CSMD3: variants seen among roughly 807,000 people sequenced by gnomAD.
CSMD3 encodes CUB and Sushi multiple domains 3.
A neutral mutation model predicts 435.2 loss-of-function variants in CSMD3; 177 were observed. That is an observed-to-expected ratio of 0.41 (90% CI 0.36 to 0.46). CSMD3 has a LOEUF of 0.46. CSMD3 is among the 20% of genes least tolerant of loss of function. The probability of loss-of-function intolerance (pLI) is 0.34; values close to 1 mark genes in which losing one functional copy is unlikely to be tolerated. For missense variants in CSMD3, 4,265 were observed against 4,504.6 expected, an observed-to-expected ratio of 0.95 and a Z score of 1.52; for synonymous variants, 1,656 against 1,520.5, an observed-to-expected ratio of 1.09 and a Z score of -2.07.
intron 1 of CSMD3, among the ~76,000 whole-genome samples, chr8:113,417,543 G>A (rs2094587529): frequency 6.6e-6 from 1 of 151,932 alleles, no homozygotes; most frequent in Non-Finnish European, 1.5e-5. Flanking sequence ...ATGCCCCGAA[G>A]AAAACTGTGA....
At chr8:112,291,467 T>C (rs1819756330) in intron 56 of CSMD3, 43 bp downstream of exon 56, 3 of 1,293,438 alleles carry the variant, frequency 2.3e-6, no homozygotes, top group Non-Finnish European at 3.4e-6. Context: ...TCCTATGGTT[T>C]CCATGACATG....
chr8:112,370,816 T>G (rs1213044439), intron 38 of CSMD3, among the ~76,000 whole-genome samples: 3 of 152,166 alleles, frequency 2.0e-5, no homozygotes, highest in African/African-American at 7.2e-5. Flanking sequence ...CTTCACCTGA[T>G]AGAATGTAAA....
chr8:113,112,565 C>T (rs2090693764), intron 4 of CSMD3, among the ~76,000 whole-genome samples: 1 of 150,728 alleles, frequency 6.6e-6, no homozygotes, highest in Admixed American at 6.6e-5. Flanking sequence ...TGCAATTGTC[C>T]TGAGTTCCTA....
At chr8:112,851,648 C>T (rs1014787033) in intron 11 of CSMD3, among the ~76,000 whole-genome samples, 1 of 151,822 alleles carries the variant, frequency 6.6e-6, no homozygotes, top group Non-Finnish European at 1.5e-5. Context: ...CCTGTAATCC[C>T]AGCTACTCAG....
intron 13 of CSMD3, among the ~76,000 whole-genome samples, chr8:112,724,797 C>G (rs2076930581): frequency 6.6e-6 from 1 of 151,952 alleles, no homozygotes; most frequent in Non-Finnish European, 1.5e-5. Context: ...ATTAAGTGAT[C>G]AGACAGAAGA....
intron 41 of CSMD3, among the ~76,000 whole-genome samples, chr8:112,345,189 A>G (rs1825549598): frequency 1.3e-5 from 2 of 152,154 alleles, no homozygotes; most frequent in African/African-American, 4.8e-5. Context: ...AGGTTCCACA[A>G]AAAAATTTAA....
At chr8:113,125,741 T>G (rs1374292152) in intron 4 of CSMD3, among the ~76,000 whole-genome samples, 3 of 151,966 alleles carry the variant, frequency 2.0e-5, no homozygotes, top group Admixed American at 1.3e-4. Context: ...GATATTGGAT[T>G]TGGCAACTTG....
chr8:112,414,422 C>T (rs1403024620), intron 32 of CSMD3, among the ~76,000 whole-genome samples: 3 of 152,172 alleles, frequency 2.0e-5, no homozygotes, highest in Admixed American at 6.5e-5. Context: ...GAAGAAGGTG[C>T]CTGCTTCTCC....
chr8:112,826,946 A>G (rs544828244), intron 12 of CSMD3, among the ~76,000 whole-genome samples: 8 of 151,978 alleles, frequency 5.3e-5, no homozygotes, highest in South Asian at 2.1e-4. Flanking sequence ...AAGGATATCA[A>G]TTGGTACATC....
chr8:112,653,652 A>C (rs2075184438), intron 18 of CSMD3, among the ~76,000 whole-genome samples: 2 of 148,320 alleles, frequency 1.3e-5, no homozygotes, highest in Admixed American at 6.8e-5. Context: ...ACCTCTAAAT[A>C]ATCTTATCTT....
chr8:112,696,024 A>T (rs2076246674), intron 13 of CSMD3, among the ~76,000 whole-genome samples: 1 of 152,198 alleles, frequency 6.6e-6, no homozygotes, highest in African/African-American at 2.4e-5. Flanking sequence ...CCTACAAGGG[A>T]TGTGAAGGAC....
At chr8:112,550,059 CT>C (rs1445624019) in intron 27 of CSMD3, among the ~76,000 whole-genome samples, 2 of 151,936 alleles carry the variant, frequency 1.3e-5, no homozygotes, top group Non-Finnish European at 2.9e-5. Context: ...ACTAAAATTT[CT>C]TTTACAGAAC....
chr8:112,440,763 C>T (rs1056552890), intron 32 of CSMD3, among the ~76,000 whole-genome samples: 15 of 152,124 alleles, frequency 9.9e-5, no homozygotes, highest in African/African-American at 2.7e-4. Context: ...GAAGCAATGG[C>T]CCAGGCTATA....
chr8:113,215,250 A>G (rs982346494), intron 3 of CSMD3, among the ~76,000 whole-genome samples: 1 of 151,910 alleles, frequency 6.6e-6, no homozygotes, highest in Admixed American at 6.6e-5. Flanking sequence ...TTGGTTGATC[A>G]ATTTCAAAAT....
At chr8:112,938,512 T>C (rs1178870784) in intron 9 of CSMD3, among the ~76,000 whole-genome samples, 6 of 152,164 alleles carry the variant, frequency 3.9e-5, no homozygotes. Context: ...TTCTTATAGG[T>C]AAAGATTGGC....
At chr8:113,408,938 A>G (rs1004655384) in intron 1 of CSMD3, among the ~76,000 whole-genome samples, 1 of 152,040 alleles carries the variant, frequency 6.6e-6, no homozygotes, top group Non-Finnish European at 1.5e-5. Flanking sequence ...AGTGCTCCGT[A>G]TAGGCCGGGC....
chr8:112,610,929 T>A (rs1833207872), intron 22 of CSMD3, among the ~76,000 whole-genome samples: 1 of 152,226 alleles, frequency 6.6e-6, no homozygotes, highest in Non-Finnish European at 1.5e-5. Context: ...TTCCTCTGTA[T>A]CTTCGAGTTG....
chr8:112,545,438 G>A (rs998428589), intron 27 of CSMD3, among the ~76,000 whole-genome samples: 8 of 131,988 alleles, frequency 6.1e-5, no homozygotes, highest in African/African-American at 8.8e-5. Context: ...ACCCAAGATC[G>A]TGCCACTGCA....
At chr8:112,460,618 G>T (rs922432739) in intron 32 of CSMD3, among the ~76,000 whole-genome samples, 6 of 152,024 alleles carry the variant, frequency 3.9e-5, no homozygotes, top group Non-Finnish European at 7.4e-5. Context: ...TTGAATGAAA[G>T]ATTTTAATTT....
Sources: allele counts gnomAD v4.1 joint callset (sites outside exome capture counted in the v4.1 genomes callset), GRCh38; gene constraint gnomAD v4.1.1; transcripts MANE v1.5; gene names NCBI Gene and HGNC (gene_info 2026-07-23, HGNC 2026-07-21).